EDA: variants seen among roughly 807,000 people sequenced by gnomAD.
The protein encoded by EDA is ectodysplasin A.
A neutral mutation model predicts 23.6 loss-of-function variants in EDA; 2 were observed. That is an observed-to-expected ratio of 0.08 (90% confidence interval 0.03 to 0.27). The LOEUF (loss-of-function observed/expected upper bound fraction) is 0.27. EDA is among the 10% of genes least tolerant of loss of function. The pLI, the probability that EDA is intolerant of heterozygous loss-of-function variation, is 1.00. For missense variants in EDA, 229 were observed against 324.2 expected (o/e 0.71, Z 2.26); for synonymous variants, 131 against 132.0 (o/e 0.99, Z 0.05).
intron 1 of EDA, among the ~76,000 whole-genome samples, chrX:69,770,599 A>C (rs934638736): frequency 9.0e-6 from 1 of 111,503 alleles, no homozygotes; most frequent in Non-Finnish European, 1.9e-5. Flanking sequence ...TTGAGTTTTG[A>C]GAGCTCTTTA....
chrX:69,629,659 G>A (rs913388071), intron 1 of EDA, among the ~76,000 whole-genome samples: 2 of 111,293 alleles, frequency 1.8e-5, no homozygotes, highest in Non-Finnish European at 3.8e-5. Context: ...TTAGAGCCCT[G>A]CTTAAGGTCA....
At chrX:69,714,755 C>T (rs1287371483) in intron 1 of EDA, among the ~76,000 whole-genome samples, 1 of 111,265 alleles carries the variant, frequency 9.0e-6, no homozygotes. Flanking sequence ...TATGTCTACC[C>T]TCCACTAATA....
chrX:69,665,437 A>G (rs1933650055), intron 1 of EDA, among the ~76,000 whole-genome samples: 1 of 111,631 alleles, frequency 9.0e-6, no homozygotes, highest in Admixed American at 9.6e-5. Context: ...AAAGTTTTAT[A>G]ATCTCTGGTC....
At chrX:69,828,235 G>C (rs1003457380) in intron 1 of EDA, among the ~76,000 whole-genome samples, 5 of 112,352 alleles carry the variant, frequency 4.5e-5, no homozygotes, top group South Asian at 3.7e-4. Flanking sequence ...CACCCAGTTG[G>C]AGCTTCCAGT....
chrX:69,829,769 C>T (rs984606753), intron 1 of EDA, among the ~76,000 whole-genome samples: 1 of 112,072 alleles, frequency 8.9e-6, no homozygotes, highest in Non-Finnish European at 1.9e-5. Flanking sequence ...CTTTAACTTA[C>T]TTCAGTGCTC....
chrX:69,838,764 G>A (rs1011672423), intron 1 of EDA, among the ~76,000 whole-genome samples: 2 of 112,494 alleles, frequency 1.8e-5, no homozygotes, highest in African/African-American at 3.2e-5. Flanking sequence ...TTGATCCAAA[G>A]GAATATATCT....
chrX:69,711,407 G>A (rs1469446903), intron 1 of EDA, among the ~76,000 whole-genome samples: 1 of 111,530 alleles, frequency 9.0e-6, no homozygotes, highest in African/African-American at 3.3e-5. Context: ...GTATTTTATT[G>A]AGGATTTTTG....
At chrX:69,988,295 G>A (rs758092117) in intron 2 of EDA, among the ~76,000 whole-genome samples, 4 of 111,079 alleles carry the variant, frequency 3.6e-5, no homozygotes, top group Admixed American at 9.5e-5. Context: ...ATGGTTAATG[G>A]GTACAAAAAA....
chrX:69,907,495 T>A (rs112004328), intron 1 of EDA, among the ~76,000 whole-genome samples: 3,369 of 111,775 alleles, frequency 0.03, 114 homozygotes, highest in African/African-American at 0.093. Context: ...AGGAAGTTAT[T>A]TGATAAGTTC....
intron 1 of EDA, among the ~76,000 whole-genome samples, chrX:69,682,808 G>A (rs899400655): frequency 2.8e-4 from 31 of 111,464 alleles, no homozygotes; most frequent in African/African-American, 8.2e-4. Flanking sequence ...GGGAGCTGTA[G>A]ACCGGAGCTG....
chrX:69,909,641 C>T (rs1223707602), intron 1 of EDA, among the ~76,000 whole-genome samples: 4 of 112,710 alleles, frequency 3.5e-5, no homozygotes, highest in African/African-American at 1.3e-4. Flanking sequence ...TATAAATTTG[C>T]TTGCTCTTTT....
At chrX:69,810,490 C>A (rs1268367739) in intron 1 of EDA, among the ~76,000 whole-genome samples, 1 of 106,418 alleles carries the variant, frequency 9.4e-6, no homozygotes, top group Non-Finnish European at 1.9e-5. Flanking sequence ...GGCACGGTGG[C>A]TCACACCTGT....
At chrX:69,968,147 G>A (rs948041873) in intron 2 of EDA, among the ~76,000 whole-genome samples, 4 of 111,506 alleles carry the variant, frequency 3.6e-5, no homozygotes, top group African/African-American at 1.3e-4. Flanking sequence ...AATCTTATAA[G>A]TAATTCACAA....
intron 2 of EDA, among the ~76,000 whole-genome samples, chrX:69,974,024 A>AAT (rs746330034): frequency 0.013 from 1,427 of 107,134 alleles, 18 homozygotes; most frequent in African/African-American, 0.041. Context: ...ACTAACTTTA[A>AAT]ATATATATAT....
chrX:69,940,171 C>CT (rs1438309043), intron 1 of EDA, among the ~76,000 whole-genome samples: 2 of 111,156 alleles, frequency 1.8e-5, no homozygotes, highest in Non-Finnish European at 3.8e-5. Flanking sequence ...GATATTAGTT[C>CT]TTTTTTAAAT....
intron 1 of EDA, among the ~76,000 whole-genome samples, chrX:69,692,352 G>A (rs1204940668): frequency 2.7e-5 from 3 of 111,454 alleles, no homozygotes; most frequent in Admixed American, 1.9e-4. Context: ...CTGATGGTAG[G>A]AAAGCATCTC....
chrX:69,854,601 C>T lies in EDA; in HGVS notation c.397-102426C>T, dbSNP rs145407816. Reference sequence around the variant, plus strand: ...TGCATTAGTTTGCTTAGGATAAAGGCTTCCAGCTCCATCCATTTTCCTGCA... The same window carrying T: ...TGCATTAGTTTGCTTAGGATAAAGGTTTCCAGCTCCATCCATTTTCCTGCA... On this transcript the variant is annotated intron_variant, in intron 1 of 7. Transcript: ENST00000374552. Among the ~76,000 whole-genome samples, 120 of 111,953 alleles carry T rather than the reference C, an allele frequency of 1.1e-3. No individual in the cohort carries two copies. In the East Asian group the frequency reaches 0.031, roughly 29 times the overall value.
chrX:69,854,480 C>T (rs1241916016), intron 1 of EDA, among the ~76,000 whole-genome samples: 1 of 111,869 alleles, frequency 8.9e-6, no homozygotes, highest in African/African-American at 3.2e-5. Flanking sequence ...AGGCATGAGT[C>T]TCAGTGTGTA....
chrX:70,031,804 G>C (rs2020203597), intron 6 of EDA, among the ~76,000 whole-genome samples: 1 of 112,658 alleles, frequency 8.9e-6, no homozygotes, highest in African/African-American at 3.2e-5. Context: ...AGGGAGGCCA[G>C]AGACAGGCCA....
Sources: gnomAD v4.1 joint callset for allele counts (sites outside exome capture counted in the v4.1 genomes callset) on GRCh38, gnomAD v4.1.1 for gene constraint, MANE v1.5 for transcripts, NCBI Gene and HGNC (gene_info 2026-07-23, HGNC 2026-07-21) for gene names.